NRG3: variants seen among roughly 807,000 people sequenced by gnomAD.
The protein encoded by NRG3 is neuregulin 3.
In NRG3, 31 loss-of-function variants were observed where a neutral mutation model predicts 66.9. That is an observed-to-expected ratio of 0.46 (90% CI 0.35 to 0.63). NRG3 has a LOEUF of 0.63. Ranked by LOEUF, NRG3 falls within the 20% of genes least tolerant of loss-of-function variation. NRG3 has a pLI of 0.00. For synonymous variants in NRG3, 393 were observed against 359.4 expected (o/e 1.09, Z -1.06); for missense variants, 910 against 878.9 (o/e 1.04, Z -0.45).
At chr10:82,601,168 C>A (rs1565114772) in intron 2 of NRG3, among the ~76,000 whole-genome samples, 1 of 152,068 alleles carries the variant, frequency 6.6e-6, no homozygotes, top group Admixed American at 6.6e-5. Flanking sequence ...TACATATGTA[C>A]CACATTGTTT....
intron 3 of NRG3, among the ~76,000 whole-genome samples, chr10:82,747,089 TAAC>T (rs1220469360): frequency 1.3e-5 from 2 of 151,952 alleles, no homozygotes; most frequent in African/African-American, 2.4e-5. Context: ...TCTCAATTAA[TAAC>T]AACAACAAAA....
chr10:82,358,228 TA>T (rs2083901964), intron 1 of NRG3, among the ~76,000 whole-genome samples: 1 of 151,968 alleles, frequency 6.6e-6, no homozygotes, highest in Non-Finnish European at 1.5e-5. Flanking sequence ...AATTACATAA[TA>T]AAAGGAGAAA....
At chr10:82,571,598 T>A (rs1454277345) in intron 2 of NRG3, among the ~76,000 whole-genome samples, 1 of 151,706 alleles carries the variant, frequency 6.6e-6, no homozygotes, top group East Asian at 1.9e-4. Flanking sequence ...CTGCAGGAAT[T>A]TCTGTTGTAC....
chr10:82,525,143 A>G (rs1027659855), intron 2 of NRG3, among the ~76,000 whole-genome samples: 23 of 152,030 alleles, frequency 1.5e-4, no homozygotes, highest in African/African-American at 5.1e-4. Context: ...AAAATTTCTA[A>G]AAAGCATAAC....
At chr10:82,226,316 T>G (rs1179393724) in intron 1 of NRG3, among the ~76,000 whole-genome samples, 1 of 152,106 alleles carries the variant, frequency 6.6e-6, no homozygotes, top group South Asian at 2.1e-4. Context: ...CTGGGGACAT[T>G]TGATCATGTG....
At chr10:81,933,675 T>C (rs1207316701) in intron 1 of NRG3, among the ~76,000 whole-genome samples, 2 of 152,156 alleles carry the variant, frequency 1.3e-5, no homozygotes, top group African/African-American at 4.8e-5. Context: ...CTCTTCTCAG[T>C]TGGTAAGTTT....
intron 2 of NRG3, among the ~76,000 whole-genome samples, chr10:82,601,818 T>G (rs367678581): frequency 6.7e-6 from 1 of 149,128 alleles, no homozygotes; most frequent in Non-Finnish European, 1.5e-5. Context: ...CAGACCAGCC[T>G]GGGCAACACA....
chr10:82,248,024 T>G (rs908958075), intron 1 of NRG3, among the ~76,000 whole-genome samples: 1 of 152,148 alleles, frequency 6.6e-6, no homozygotes, highest in Non-Finnish European at 1.5e-5. Context: ...ATTTTATTAT[T>G]TCTTTACCAT....
chr10:82,656,246 C>G (rs2051844008), intron 2 of NRG3, among the ~76,000 whole-genome samples: 1 of 151,506 alleles, frequency 6.6e-6, no homozygotes, highest in African/African-American at 2.4e-5. Flanking sequence ...TTACATAATC[C>G]CTATCACTTA....
At chr10:82,947,803 A>C (rs1849155887) in intron 4 of NRG3, among the ~76,000 whole-genome samples, 1 of 152,102 alleles carries the variant, frequency 6.6e-6, no homozygotes, top group East Asian at 1.9e-4. Flanking sequence ...AGTCATTCTT[A>C]TAAATTAAAG....
intron 1 of NRG3, among the ~76,000 whole-genome samples, chr10:82,014,049 A>G (rs544459042): frequency 1.3e-5 from 2 of 152,260 alleles, no homozygotes; most frequent in South Asian, 4.1e-4. Context: ...CTTTTCAGGA[A>G]CTCACACCTA....
intron 4 of NRG3, among the ~76,000 whole-genome samples, chr10:82,904,801 A>T (rs1844572438): frequency 6.6e-6 from 1 of 152,196 alleles, no homozygotes; most frequent in Non-Finnish European, 1.5e-5. Flanking sequence ...AATGATGTCA[A>T]CAAAAATAGC....
intron 3 of NRG3, chr10:82,859,214 TG>T (rs1252250353): frequency 6.6e-6 from 1 of 152,388 alleles, no homozygotes; most frequent in Non-Finnish European, 1.5e-5. Context: ...CCCAAAGTGC[TG>T]GGATTACAGG....
intron 2 of NRG3, among the ~76,000 whole-genome samples, chr10:82,413,229 G>T (rs2088249992): frequency 6.6e-6 from 1 of 152,132 alleles, no homozygotes; most frequent in Admixed American, 6.6e-5. Flanking sequence ...TTTGAAAGTT[G>T]AAATTACTTT....
intron 2 of NRG3, among the ~76,000 whole-genome samples, chr10:82,553,463 CCT>C (rs2044458999): frequency 6.6e-6 from 1 of 151,926 alleles, no homozygotes; most frequent in African/African-American, 2.4e-5. Context: ...ATTGTGTACC[CCT>C]GAGTTACTAA....
chr10:82,778,178 G>A (rs1565305154), intron 3 of NRG3, among the ~76,000 whole-genome samples: 1 of 152,122 alleles, frequency 6.6e-6, no homozygotes, highest in Non-Finnish European at 1.5e-5. Context: ...CTGGGTGGGA[G>A]CACATGATTC....
At chr10:82,366,472 A>G (rs1414825270) in intron 2 of NRG3, among the ~76,000 whole-genome samples, 2 of 152,180 alleles carry the variant, frequency 1.3e-5, no homozygotes, top group South Asian at 2.1e-4. Context: ...CAAATTAGCA[A>G]TTTTCTATTA....
chr10:82,395,554 G>T (rs1053813594), intron 2 of NRG3, among the ~76,000 whole-genome samples: 24 of 152,154 alleles, frequency 1.6e-4, no homozygotes, highest in African/African-American at 5.5e-4. Flanking sequence ...GATCTAGGCC[G>T]AAGTCTTTTA....
chr10:82,450,240 T>C (rs1302910088), intron 2 of NRG3, among the ~76,000 whole-genome samples: 3 of 152,186 alleles, frequency 2.0e-5, no homozygotes, highest in Non-Finnish European at 4.4e-5. Flanking sequence ...CTTTGGGGAA[T>C]GCTGCTTTAT....
Sources: gnomAD v4.1 joint callset for allele counts (sites outside exome capture counted in the v4.1 genomes callset) on GRCh38, gnomAD v4.1.1 for gene constraint, MANE v1.5 for transcripts, NCBI Gene and HGNC (gene_info 2026-07-23, HGNC 2026-07-21) for gene names.